Variants in PLK1 observed in about 807,000 individuals in gnomAD.
The protein encoded by PLK1 is polo like kinase 1, also known as serine/threonine-protein kinase PLK1.
Under a neutral mutation model 56.7 loss-of-function variants are expected in PLK1, and 6 were observed. The observed-to-expected ratio is 0.11, with a 90% CI of 0.06 to 0.21. The LOEUF (loss-of-function observed/expected upper bound fraction) is 0.21. Among genes scored for constraint, PLK1 ranks in the 10% least tolerant of loss-of-function variants. The pLI is 1.00. For synonymous variants in PLK1, 298 were observed against 325.0 expected (o/e 0.92, Z 0.89); for missense variants, 546 against 814.4 (o/e 0.67, Z 4.01).
At position 23,689,706 on chromosome 16, in the gene PLK1, G is replaced by T; in HGVS notation, c.1608+30G>T. 1 of 1,583,176 alleles carries T rather than the reference G, an allele frequency of 6.3e-7. No homozygotes were observed. The highest frequency in any genetic ancestry group is 1.1e-5 in the South Asian group (1 of 89,188). On this transcript the variant is annotated intron_variant, in intron 9 of 9. Coordinates refer to ENST00000300093, the MANE Select transcript of PLK1 (RefSeq NM_005030.6). The surrounding 1 kb of genome is among the most constrained non-coding windows in gnomAD (Gnocchi z 4.8). ...GCTGGAGGTCACCAGGCGCAGGAGA[G>T]AGCTGGGGTAGGCTCCGCATGCCTG...
Position 23,687,560 on chromosome 16 carries a change from C to A in PLK1, c.1128C>A (p.Asp376Glu), listed in dbSNP as rs919194931. ...AGGTGGTCGACTGCCACCTCAGTGA[C>A]ATGCTGCAGCAGCTGCACAGTGTCA... ...TGEVVDCHLS[D>E]MLQQLHSVNA... Residue 376 changes from aspartate to glutamate, a missense_variant, in exon 6 of 10, where the codon GAC becomes GAA. Coordinates refer to ENST00000300093, the MANE Select transcript of PLK1 (RefSeq NM_005030.6). 29 of 1,604,948 alleles carry A rather than the reference C, an allele frequency of 1.8e-5. No homozygotes were observed. The highest frequency in any genetic ancestry group is 2.3e-5 in the Non-Finnish European group (27 of 1,174,914).
intron 3 of PLK1, among the ~76,000 whole-genome samples, chr16:23,681,309 T>C (rs749982255): frequency 2.0e-5 from 3 of 152,234 alleles, no homozygotes; most frequent in Non-Finnish European, 2.9e-5. Context: ...AACCTTACTG[T>C]AGTCCTTTGC....
At position 23,689,287 on chromosome 16, in the gene PLK1, A is replaced by G; in HGVS notation, c.1320A>G (p.Thr440=). 1.9e-6 allele frequency: 3 copies of G among 1,613,750 alleles called. No homozygotes were observed. The highest frequency in any genetic ancestry group is 2.5e-6 in the Non-Finnish European group (3 of 1,179,792). ...NSVGVLFNDS[T]RLILYNDGDS... is the part of the protein sequence containing the mutation. Reference sequence around the variant, plus strand: ...TGGGGGTGCTCTTCAATGACTCAACACGCCTCATCCTCTACAATGATGGTG... The same window carrying G: ...TGGGGGTGCTCTTCAATGACTCAACGCGCCTCATCCTCTACAATGATGGTG... The change falls in exon 8 of 10, where the codon ACA becomes ACG. Residue 440 remains threonine (T), a synonymous_variant. Transcript: ENST00000300093. The surrounding 1 kb of genome is among the most constrained non-coding windows in gnomAD (Gnocchi z 4.8).
rs1230691153 is a variant in PLK1, at chr16:23,687,504, AAAG to A, written c.1078_1080del (p.Glu360del). ...CCCCCTGCCTGAGCGTCCCCGGGAAAAAGAAGAACCAGTGGTTCGAGAGACAGG... is the reference window on the plus strand; with the variant it reads ...CCCCCTGCCTGAGCGTCCCCGGGAAAAAGAACCAGTGGTTCGAGAGACAGG... On this transcript the variant is annotated inframe_deletion, in exon 6 of 10. Coordinates refer to ENST00000300093, the MANE Select transcript of PLK1 (RefSeq NM_005030.6). The A allele has an allele frequency of 3.8e-6, 6 of 1,596,570 alleles. No individual in the cohort carries two copies. The African/African-American group carries it at 4.0e-5, about 11-fold the overall frequency.
In PLK1 at chr16:23,680,210, C is replaced by G. The variant is rs779319154; in HGVS notation, c.535C>G (p.Leu179Val). ...CCGAGTTATTCATCGAGACCTCAAGCTGGGCAACCTTTTCCTGAATGAAGA... is the reference window on the plus strand; with the variant it reads ...CCGAGTTATTCATCGAGACCTCAAGGTGGGCAACCTTTTCCTGAATGAAGA... ...RNRVIHRDLK[L>V]GNLFLNEDLE... Residue 179 changes from leucine (L) to valine (V), a missense_variant, in exon 2 of 10, where the codon CTG becomes GTG. By Grantham distance (32) the Leu-to-Val change is conservative. Transcript: ENST00000300093. 1.9e-6 allele frequency: 3 copies of G among 1,614,102 alleles called. No individual in the cohort carries two copies. The highest frequency in any genetic ancestry group is 2.5e-6 in the Non-Finnish European group (3 of 1,179,998).
At chr16:23,680,861 A>C (rs993479108) in intron 2 of PLK1, 53 bp from the exon 3 acceptor site, 3 of 1,554,562 alleles carry the variant, frequency 1.9e-6, no homozygotes, top group Non-Finnish European at 2.6e-6. Flanking sequence ...TTCTGCATTG[A>C]CAGATGTCAG....
At chr16:23,688,802 T>C in intron 7 of PLK1, 57 bp downstream of exon 7, 1 of 1,225,878 alleles carries the variant, frequency 8.2e-7, no homozygotes, top group South Asian at 1.2e-5. Flanking sequence ...ACCTTTTCAG[T>C]TGTTACAGAC....
intron 6 of PLK1, among the ~76,000 whole-genome samples, chr16:23,688,049 G>C (rs1461104919): frequency 1.3e-5 from 2 of 152,092 alleles, no homozygotes; most frequent in Non-Finnish European, 1.5e-5. Context: ...CCCCTCTGCT[G>C]GTGCTTCTCA....
intron 7 of PLK1, among the ~76,000 whole-genome samples, 200 bp downstream of exon 7, chr16:23,688,945 A>C (rs26765): frequency 0.29 from 44,280 of 151,208 alleles, 6,568 homozygotes; most frequent in East Asian, 0.44. Context: ...CCTGCTCTGT[A>C]GCCCAGGCTG....
In PLK1 at chr16:23,689,925, C is replaced by T. The variant is rs994208547; in HGVS notation, c.1674C>T (p.Asp558=). ...TGACCTACATCGACGAGAAGCGGGA[C>T]TTCCGCACATACCGCCTGAGTCTCC... ...AAVTYIDEKR[D]FRTYRLSLLE... The change falls in exon 10 of 10, where the codon GAC becomes GAT. Residue 558 remains aspartate, a synonymous_variant. Transcript: ENST00000300093. The surrounding 1 kb of genome is among the most constrained non-coding windows in gnomAD (Gnocchi z 4.8). The T allele has an allele frequency of 8.1e-6, 13 of 1,614,010 alleles. No individual in the cohort carries two copies. The highest frequency in any genetic ancestry group is 1.1e-5 in the Non-Finnish European group (13 of 1,179,996).
rs765909010 is a variant in PLK1, at chr16:23,689,456, ACT to A, written c.1426-35_1426-34del. 35 of 1,598,836 alleles carry A rather than the reference ACT, an allele frequency of 2.2e-5. No homozygotes were observed. The highest frequency in any genetic ancestry group is 2.2e-5 in the South Asian group (2 of 90,698). On this transcript the variant is annotated intron_variant, in intron 8 of 9. Coordinates refer to ENST00000300093, the MANE Select transcript of PLK1 (RefSeq NM_005030.6). The surrounding 1 kb of genome is among the most constrained non-coding windows in gnomAD (Gnocchi z 4.8). The stretch of plus-strand genomic sequence containing the variant: ...AGTGGGACCTGTGCTGGAGGATCAG[ACT>A]CTAATTCTGGAACCCCTTACCTACT...
At chr16:23,685,871 T>C (rs1959419675) in intron 5 of PLK1, among the ~76,000 whole-genome samples, 1 of 152,044 alleles carries the variant, frequency 6.6e-6, no homozygotes, top group Non-Finnish European at 1.5e-5. Context: ...CTAATGGTAA[T>C]TTTTCTTTTC....
chr16:23,688,589 C>A, intron 6 of PLK1, 79 bp from the exon 7 acceptor site: 1 of 1,158,366 alleles, frequency 8.6e-7, no homozygotes, highest in South Asian at 1.2e-5. Flanking sequence ...TCCCTGTTCC[C>A]TGGTGTGGGC....
At chr16:23,680,283 C>T in intron 2 of PLK1, 31 bp downstream of exon 2, 1 of 1,604,786 alleles carries the variant, frequency 6.2e-7, no homozygotes, top group Admixed American at 1.7e-5. Context: ...GGGTGCTTGA[C>T]ATCACTACAA....
At chr16:23,688,626 GCT>G (rs760834089) in intron 6 of PLK1, 40 bp from the exon 7 acceptor site, 1 of 1,451,386 alleles carries the variant, frequency 6.9e-7, no homozygotes, top group South Asian at 1.1e-5. Context: ...AGGGGAAGAG[GCT>G]GGTCCTGACC....
chr16:23,685,523 A>G (rs1364005240), intron 5 of PLK1, among the ~76,000 whole-genome samples: 3 of 152,052 alleles, frequency 2.0e-5, no homozygotes, highest in Non-Finnish European at 4.4e-5. Context: ...CCTGGGCAAC[A>G]TGGCGAAACG....
At chr16:23,682,231 T>G in intron 4 of PLK1, 74 bp downstream of exon 4, 1 of 835,346 alleles carries the variant, frequency 1.2e-6, no homozygotes, top group Non-Finnish European at 2.0e-6. Flanking sequence ...AGCAATATCC[T>G]AGGACCAGAA....
In PLK1 at chr16:23,689,412, T is replaced by G; in HGVS notation, c.1425+20T>G. 6.2e-7 allele frequency: 1 copy of G among 1,602,810 alleles called. No individual in the cohort carries two copies. Among genetic ancestry groups the G allele is most frequent in the Non-Finnish European group, 8.5e-7 (1 of 1,170,446 alleles). On this transcript the variant is annotated intron_variant, in intron 8 of 9. Transcript: ENST00000300093. This position sits in a 1 kb window ranked among gnomAD's most constrained non-coding sequence, Gnocchi z 4.8. The stretch of plus-strand genomic sequence containing the variant: ...AAGAAGGTGAGTGCCGTCCGGCCCA[T>G]GGGGGGTGGTGTTGCAGAAGTGGGA...
chr16:23,688,301 T>G (rs1001823826), intron 6 of PLK1, among the ~76,000 whole-genome samples: 6 of 152,218 alleles, frequency 3.9e-5, no homozygotes, highest in African/African-American at 1.4e-4. Context: ...TTAAATTGAT[T>G]AGTCTTTGCC....
Sources: allele counts gnomAD v4.1 joint callset (sites outside exome capture counted in the v4.1 genomes callset), GRCh38; gene constraint gnomAD v4.1.1; non-coding constraint Gnocchi (gnomAD v3.1); transcripts MANE v1.5; gene names NCBI Gene and HGNC (gene_info 2026-07-23, HGNC 2026-07-21).